The following CRTAC1 variants were observed in gnomAD, a reference collection of about 807,000 sequenced individuals.
The protein encoded by CRTAC1 is acidic secreted protein in cartilage.
Under a neutral mutation model 67.8 loss-of-function variants are expected in CRTAC1, and 37 were observed. That is an observed-to-expected ratio of 0.55 (90% CI 0.42 to 0.72). CRTAC1 has a LOEUF of 0.72. CRTAC1 is among the 30% of genes least tolerant of loss of function. The pLI is 0.00. For missense variants in CRTAC1, 780 were observed against 931.6 expected, an observed-to-expected ratio of 0.84 and a Z score of 2.12; for synonymous variants, 348 against 371.0, an observed-to-expected ratio of 0.94 and a Z score of 0.71.
chr10:97,915,517 C>T (rs988578484), intron 5 of CRTAC1, among the ~76,000 whole-genome samples: 11 of 152,338 alleles, frequency 7.2e-5, no homozygotes, highest in Middle Eastern at 3.4e-3. Flanking sequence ...GCTTCTCAGG[C>T]CCCCTGGCAC....
Position 98,030,426 on chromosome 10 carries a change from G to T in CRTAC1, c.24+23C>A. ...AGAAACTTTCTCCGCCTTAGGGTGG[G>T]GGGCACCGGTGCAGATACTCACGCC... On this transcript the variant is annotated intron_variant, in intron 1 of 14. Transcript: ENST00000370597. This position sits in a 1 kb window ranked among gnomAD's most constrained non-coding sequence, Gnocchi z 4.2. 8.0e-7 allele frequency: 1 copy of T among 1,246,538 alleles called. No individual in the cohort carries two copies. Among genetic ancestry groups the T allele is most frequent in the Non-Finnish European group, 1.0e-6 (1 of 985,824 alleles). 77.2% of individuals were successfully genotyped at this position (1,246,538 alleles called of 1,614,324 possible).
intron 11 of CRTAC1, among the ~76,000 whole-genome samples, chr10:97,888,767 T>C (rs1210188667): frequency 1.3e-5 from 2 of 152,038 alleles, no homozygotes; most frequent in African/African-American, 4.8e-5. Flanking sequence ...CTGCCAGGCC[T>C]GTGTATAGGG....
chr10:97,886,964 T>C (rs186621007), intron 11 of CRTAC1, among the ~76,000 whole-genome samples: 3 of 152,042 alleles, frequency 2.0e-5, no homozygotes, highest in Admixed American at 1.3e-4. Flanking sequence ...TTTTTTTTTT[T>C]CTAATTTGAA....
chr10:97,923,470 T>A, intron 3 of CRTAC1, 70 bp from the exon 4 acceptor site: 1 of 1,591,110 alleles, frequency 6.3e-7, no homozygotes, highest in Non-Finnish European at 8.6e-7. Context: ...TCTGGGTATG[T>A]CTCATGGCAC....
intron 5 of CRTAC1, among the ~76,000 whole-genome samples, chr10:97,909,130 C>T (rs2050654017): frequency 6.6e-6 from 1 of 152,152 alleles, no homozygotes; most frequent in Admixed American, 6.5e-5. Flanking sequence ...CCACATTGGG[C>T]TTTGAAGTCT....
intron 1 of CRTAC1, among the ~76,000 whole-genome samples, chr10:98,018,188 C>G (rs1364475873): frequency 3.0e-5 from 3 of 100,132 alleles, no homozygotes; most frequent in Admixed American, 3.3e-4. Context: ...GGTGACAGAG[C>G]AAGATGCCCG....
rs139452253 is a variant in CRTAC1, at chr10:98,010,604, G to A, written c.224+534C>T. Among the ~76,000 whole-genome samples, 307 of 152,220 alleles carry A rather than the reference G, an allele frequency of 2.0e-3. 1 individual carries two copies. The highest frequency in any genetic ancestry group is 3.9e-3 in the Non-Finnish European group (263 of 68,008). ...TTGGTTTTCAGGAGAGAAAGGAGCC[G>A]TGGGCAACAAGGCATGCTCAGCGGA... is the stretch of plus-strand genomic sequence containing the variant. On this transcript the variant is annotated intron_variant, in intron 2 of 14. Coordinates refer to ENST00000370597, the MANE Select transcript of CRTAC1 (RefSeq NM_018058.7).
intron 6 of CRTAC1, among the ~76,000 whole-genome samples, chr10:97,907,732 A>C (rs1272163567): frequency 6.6e-6 from 1 of 152,174 alleles, no homozygotes; most frequent in East Asian, 1.9e-4. Flanking sequence ...AGACACAAGC[A>C]GGACTTGGAG....
chr10:97,993,488 T>C (rs1842498382), intron 2 of CRTAC1, among the ~76,000 whole-genome samples: 1 of 152,234 alleles, frequency 6.6e-6, no homozygotes, highest in African/African-American at 2.4e-5. Flanking sequence ...CTTATCTCTC[T>C]TATGACTAAG....
At chr10:97,899,809 T>A (rs2136563167) in intron 8 of CRTAC1, among the ~76,000 whole-genome samples, 1 of 152,298 alleles carries the variant, frequency 6.6e-6, no homozygotes, top group African/African-American at 2.4e-5. Flanking sequence ...GCCCATGTCC[T>A]GGATCCAAGG....
In CRTAC1 at chr10:97,937,170, C is replaced by T. The variant is rs114141937; in HGVS notation, c.225-804G>A. On this transcript the variant is annotated intron_variant, in intron 2 of 14. Transcript: ENST00000370597. ...CTCTACTCTGTCTCACTCTCCTGCGCCTGCAACTCCCTCCTCGCTGCACTG... is the reference window on the plus strand; with the variant it reads ...CTCTACTCTGTCTCACTCTCCTGCGTCTGCAACTCCCTCCTCGCTGCACTG... 4.7e-3 allele frequency among the ~76,000 whole-genome samples: 711 copies of T among 152,354 alleles called. 7 individuals are homozygous for T. Among genetic ancestry groups the T allele is most frequent in the African/African-American group, 0.016 (671 of 41,580 alleles).
At chr10:97,982,145 A>G (rs1227891322) in intron 2 of CRTAC1, among the ~76,000 whole-genome samples, 2 of 152,232 alleles carry the variant, frequency 1.3e-5, no homozygotes, top group African/African-American at 4.8e-5. Context: ...ATCTGATTTC[A>G]TAAAAGCTTC....
At position 97,896,890 on chromosome 10, in the gene CRTAC1, T is replaced by A; in HGVS notation, c.1216+19A>T. 4 of 1,351,898 alleles carry A rather than the reference T, an allele frequency of 3.0e-6. No homozygotes were observed. Among genetic ancestry groups the A allele is most frequent in the Non-Finnish European group, 3.0e-6 (3 of 1,014,192 alleles). 83.7% of individuals were successfully genotyped at this position (1,351,898 alleles called of 1,614,324 possible). ...TGCTAAGGGGGCAGTGCAGGCCAGA[T>A]CCCCCAGGTGCCCCTCACCTGTGCC... On this transcript the variant is annotated intron_variant, in intron 9 of 14. Coordinates refer to ENST00000370597, the MANE Select transcript of CRTAC1 (RefSeq NM_018058.7).
At chr10:97,922,472 T>C (rs2050855043) in intron 4 of CRTAC1, among the ~76,000 whole-genome samples, 1 of 152,182 alleles carries the variant, frequency 6.6e-6, no homozygotes, top group Non-Finnish European at 1.5e-5. Context: ...GGGCAGCAGC[T>C]GGGCCCCTGA....
intron 2 of CRTAC1, among the ~76,000 whole-genome samples, chr10:98,002,832 G>T (rs564630988): frequency 4.8e-4 from 59 of 124,182 alleles, no homozygotes; most frequent in Non-Finnish European, 7.8e-4. Flanking sequence ...AGGCTGGAGT[G>T]CAGAGGTGCA....
rs569877140 is a variant in CRTAC1, at chr10:98,029,419, G to A, written c.24+1030C>T. On this transcript the variant is annotated intron_variant, in intron 1 of 14. Coordinates refer to ENST00000370597, the MANE Select transcript of CRTAC1 (RefSeq NM_018058.7). The surrounding 1 kb of genome is among the most constrained non-coding windows in gnomAD (Gnocchi z 4.7). ...CACCTCAAGTGCAACTCAAGAATGT[G>A]TCCTGTCAGGAGAACGGAAGCATCT... Among the ~76,000 whole-genome samples the A allele has an allele frequency of 6.6e-6, 1 of 152,120 alleles. No homozygotes were observed. Among genetic ancestry groups the A allele is most frequent in the Admixed American group, 6.5e-5 (1 of 15,278 alleles).
At chr10:98,024,330 A>G (rs978090281) in intron 1 of CRTAC1, among the ~76,000 whole-genome samples, 2 of 152,222 alleles carry the variant, frequency 1.3e-5, no homozygotes, top group South Asian at 2.1e-4. Context: ...ATACGTCAAA[A>G]TGTCCCTTGG....
chr10:97,905,641 C>T (rs146839013), intron 6 of CRTAC1, among the ~76,000 whole-genome samples: 16 of 152,314 alleles, frequency 1.1e-4, no homozygotes, highest in South Asian at 4.1e-4. Context: ...CCTGGGTACA[C>T]GCAGCATCTA....
chr10:97,967,878 A>G (rs192386204), intron 2 of CRTAC1, among the ~76,000 whole-genome samples: 1 of 152,328 alleles, frequency 6.6e-6, no homozygotes, highest in East Asian at 1.9e-4. Flanking sequence ...TTGTTGAAAC[A>G]GAAGTGCCAT....
Sources: allele counts gnomAD v4.1 joint callset (sites outside exome capture counted in the v4.1 genomes callset), GRCh38; gene constraint gnomAD v4.1.1; non-coding constraint Gnocchi (gnomAD v3.1); transcripts MANE v1.5; gene names NCBI Gene and HGNC (gene_info 2026-07-23, HGNC 2026-07-21).